The following FAR2 variants were observed in gnomAD, a reference collection of about 807,000 sequenced individuals.
FAR2 encodes the protein epididymis secretory protein Li 81.
In FAR2, 19 loss-of-function variants were observed where a neutral mutation model predicts 56.0. That is an observed-to-expected ratio of 0.34 (90% CI 0.24 to 0.50). FAR2 has a LOEUF of 0.50. Among genes scored for constraint, FAR2 ranks in the 20% least tolerant of loss-of-function variants. The pLI, the probability that FAR2 is intolerant of heterozygous loss-of-function variation, is 0.98. For missense variants in FAR2, 508 were observed against 642.2 expected, an observed-to-expected ratio of 0.79 and a Z score of 2.26; for synonymous variants, 219 against 218.8, an observed-to-expected ratio of 1.00 and a Z score of -0.01.
chr12:29,176,005 G>T (rs568039072), intron 1 of FAR2, among the ~76,000 whole-genome samples: 3 of 152,276 alleles, frequency 2.0e-5, no homozygotes, highest in African/African-American at 7.2e-5. Flanking sequence ...TAAAAGCTAG[G>T]TGACCTCAGT....
intron 3 of FAR2, 107 bp downstream of exon 3, chr12:29,293,582 CA>C: frequency 4.7e-6 from 5 of 1,060,022 alleles, no homozygotes; most frequent in Non-Finnish European, 6.3e-6. Flanking sequence ...AAAAGACATA[CA>C]AAGAAGCAAA....
At chr12:29,230,252 G>A (rs1947835563) in intron 1 of FAR2, among the ~76,000 whole-genome samples, 1 of 152,042 alleles carries the variant, frequency 6.6e-6, no homozygotes, top group Non-Finnish European at 1.5e-5. Flanking sequence ...GAGTGTGCAG[G>A]TGAGGTGGGT....
chr12:29,153,778 G>A, intron 1 of FAR2, among the ~76,000 whole-genome samples: 1 of 152,130 alleles, frequency 6.6e-6, no homozygotes, highest in East Asian at 1.9e-4. Flanking sequence ...GGATTGACAT[G>A]TCTTGGTGAT....
intron 1 of FAR2, among the ~76,000 whole-genome samples, chr12:29,181,289 G>T (rs1297470498): frequency 1.2e-4 from 18 of 151,970 alleles, no homozygotes; most frequent in Non-Finnish European, 2.5e-4. Context: ...AGTCATTAAG[G>T]CTAAAATAGT....
chr12:29,318,834 C>G (rs1036243496), intron 9 of FAR2, among the ~76,000 whole-genome samples: 4 of 151,968 alleles, frequency 2.6e-5, no homozygotes, highest in African/African-American at 9.7e-5. Context: ...TAGAATGTGC[C>G]TGTGTCAGGA....
intron 1 of FAR2, among the ~76,000 whole-genome samples, chr12:29,266,824 C>G (rs572226273): frequency 1.3e-5 from 2 of 152,144 alleles, no homozygotes; most frequent in Admixed American, 6.5e-5. Flanking sequence ...ATTGATATAT[C>G]TTACTTTAGA....
intron 1 of FAR2, among the ~76,000 whole-genome samples, chr12:29,226,225 G>T (rs1397239855): frequency 6.6e-6 from 1 of 152,154 alleles, no homozygotes; most frequent in Non-Finnish European, 1.5e-5. Context: ...TATCATTCCG[G>T]TTCTATTATA....
At chr12:29,241,432 A>G (rs769629625) in intron 1 of FAR2, among the ~76,000 whole-genome samples, 5 of 152,098 alleles carry the variant, frequency 3.3e-5, no homozygotes, top group Non-Finnish European at 7.4e-5. Context: ...GTTATTCTGT[A>G]CATCATGGTT....
At chr12:29,256,838 C>T (rs867800135) in intron 1 of FAR2, among the ~76,000 whole-genome samples, 2 of 152,346 alleles carry the variant, frequency 1.3e-5, no homozygotes, top group African/African-American at 4.8e-5. Flanking sequence ...AGCCCAACGG[C>T]GCTGCACTGG....
intron 1 of FAR2, among the ~76,000 whole-genome samples, chr12:29,158,873 A>T (rs1268923327): frequency 6.6e-6 from 1 of 152,254 alleles, no homozygotes; most frequent in African/African-American, 2.4e-5. Context: ...CTTGTCACAC[A>T]TCTAGTTAGT....
chr12:29,309,129 C>A, intron 5 of FAR2, 57 bp from the exon 6 acceptor site: 2 of 1,276,012 alleles, frequency 1.6e-6, no homozygotes, highest in South Asian at 2.4e-5. Context: ...TGCAGATGTT[C>A]CAAAGATAAA....
chr12:29,321,484 C>T (rs528045513), intron 9 of FAR2, among the ~76,000 whole-genome samples: 10 of 152,192 alleles, frequency 6.6e-5, no homozygotes, highest in East Asian at 1.9e-4. Flanking sequence ...AAAAAATGAA[C>T]AGTATGTCAT....
intron 1 of FAR2, among the ~76,000 whole-genome samples, chr12:29,180,012 T>G (rs1949977706): frequency 6.6e-6 from 1 of 152,176 alleles, no homozygotes. Flanking sequence ...ATATTTGCAA[T>G]GGAAAATCCT....
chr12:29,290,505 AC>A (rs1449105179), intron 2 of FAR2, among the ~76,000 whole-genome samples: 1 of 152,172 alleles, frequency 6.6e-6, no homozygotes, highest in Non-Finnish European at 1.5e-5. Context: ...CAAGGTATAT[AC>A]CCAACAAAAA....
chr12:29,216,812 C>T (rs966069299), intron 1 of FAR2, among the ~76,000 whole-genome samples: 2 of 152,090 alleles, frequency 1.3e-5, no homozygotes, highest in Admixed American at 6.5e-5. Flanking sequence ...TCCATAATGT[C>T]AAATTATTAA....
At chr12:29,165,889 A>G (rs548852321) in intron 1 of FAR2, among the ~76,000 whole-genome samples, 2 of 152,224 alleles carry the variant, frequency 1.3e-5, no homozygotes, top group South Asian at 4.1e-4. Flanking sequence ...CAGGTGTCCA[A>G]ATGTCCTAGA....
At chr12:29,194,795 G>C (rs1950132126) in intron 1 of FAR2, among the ~76,000 whole-genome samples, 2 of 152,140 alleles carry the variant, frequency 1.3e-5, no homozygotes, top group Non-Finnish European at 2.9e-5. Context: ...GCTTGCCCCA[G>C]TGTTGGACAG....
At chr12:29,257,642 C>T (rs1047958041) in intron 1 of FAR2, among the ~76,000 whole-genome samples, 1 of 152,086 alleles carries the variant, frequency 6.6e-6, no homozygotes, top group African/African-American at 2.4e-5. Flanking sequence ...CACGAGCCCA[C>T]CGGGAGGAAT....
chr12:29,234,128 C>T (rs184217944), intron 1 of FAR2, among the ~76,000 whole-genome samples: 37 of 152,218 alleles, frequency 2.4e-4, no homozygotes, highest in Admixed American at 2.2e-3. Flanking sequence ...GGTATGACAC[C>T]ACTGGATGAA....
Sources: gnomAD v4.1 joint callset for allele counts (sites outside exome capture counted in the v4.1 genomes callset) on GRCh38, gnomAD v4.1.1 for gene constraint, MANE v1.5 for transcripts, NCBI Gene and HGNC (gene_info 2026-07-23, HGNC 2026-07-21) for gene names.